ITGA2: variants seen among roughly 807,000 people sequenced by gnomAD.
ITGA2 encodes integrin subunit alpha 2.
In ITGA2, 101 loss-of-function variants were observed where a neutral mutation model predicts 146.3. That is an observed-to-expected ratio of 0.69 (90% CI 0.59 to 0.81). The LOEUF (loss-of-function observed/expected upper bound fraction) is 0.81. ITGA2 is among the 40% of genes least tolerant of loss of function. ITGA2 has a pLI of 0.00. For missense variants in ITGA2, 1,281 were observed against 1,402.7 expected (o/e 0.91, Z 1.39); for synonymous variants, 477 against 487.1 (o/e 0.98, Z 0.27).
intron 2 of ITGA2, among the ~76,000 whole-genome samples, chr5:53,035,198 T>A (rs572344430): frequency 9.8e-5 from 15 of 152,328 alleles, no homozygotes; most frequent in Admixed American, 9.8e-4. Flanking sequence ...GTCTTAAAAT[T>A]ATCCCCCTCT....
Position 53,072,669 on chromosome 5 carries a change from AGATGTCC to A in ITGA2, c.2406_2412del (p.Val803LysfsTer19). The A allele has an allele frequency of 1.9e-6, 3 of 1,610,658 alleles. No individual in the cohort carries two copies. Among genetic ancestry groups the A allele is most frequent in the Non-Finnish European group, 2.5e-6 (3 of 1,178,358 alleles). On this transcript the variant is annotated frameshift_variant, in exon 19 of 30. Transcript: ENST00000296585. LOFTEE classifies it high-confidence loss of function. Reference sequence around the variant, plus strand: ...GACTTTGCATTTCTGATCTAGTCCTAGATGTCCGACAAATACCAGCTGCTCAGTAAGT... The same window carrying A: ...GACTTTGCATTTCTGATCTAGTCCTAGACAAATACCAGCTGCTCAGTAAGT...
At chr5:53,060,167 G>A (rs1407470883) in intron 11 of ITGA2, among the ~76,000 whole-genome samples, 155 bp downstream of exon 11, 2 of 151,868 alleles carry the variant, frequency 1.3e-5, no homozygotes, top group African/African-American at 4.8e-5. Context: ...TGCCAATCGG[G>A]CCTTAAGGCA....
rs1423434595 is a variant in ITGA2, at chr5:53,064,925, A to G, written c.1616A>G (p.Gln539Arg). The G allele has an allele frequency of 6.2e-7, 1 of 1,612,580 alleles. No homozygotes were observed. The highest frequency in any genetic ancestry group is 8.5e-7 in the Non-Finnish European group (1 of 1,179,092). ...LFTIKEGILG[Q>R]HQFLEGPEGI... ...CCCCTTTGCAAGGGCATTTTGGGTC[A>G]GCACCAATTTCTTGAAGGCCCCGAG... The change falls in exon 14 of 30, where the codon CAG becomes CGG. Residue 539 changes from glutamine to arginine, a missense_variant. By Grantham distance (43) the Gln-to-Arg change is conservative. Around this residue, in one of 3 missense-constraint regions of ITGA2, gnomAD observed 795 missense variants for 841.7 expected, o/e 0.94. Coordinates refer to ENST00000296585, the MANE Select transcript of ITGA2 (RefSeq NM_002203.4).
In ITGA2 at chr5:53,035,547, G is replaced by T. The variant is rs1485094219; in HGVS notation, c.186-6565G>T. Among the ~76,000 whole-genome samples, 4 of 152,284 alleles carry T rather than the reference G, an allele frequency of 2.6e-5. 1 individual carries two copies. In the South Asian group the frequency reaches 8.3e-4, roughly 32 times the overall value. On this transcript the variant is annotated intron_variant, in intron 2 of 29. Coordinates refer to ENST00000296585, the MANE Select transcript of ITGA2 (RefSeq NM_002203.4). ...ATAATGAGGCCTAAATACTAAAATT[G>T]CCTTTCAATATATGCCAAAGAATTT...
intron 1 of ITGA2, 31 bp from the exon 2 acceptor site, chr5:53,026,717 A>T (rs1254857937): frequency 1.3e-6 from 2 of 1,583,438 alleles, no homozygotes; most frequent in South Asian, 2.2e-5. Flanking sequence ...ATGAATTGTA[A>T]ATATGTGCTA....
Position 53,058,116 on chromosome 5 carries a change from T to G in ITGA2, c.1173+15T>G. On this transcript the variant is annotated intron_variant, in intron 10 of 29. Coordinates refer to ENST00000296585, the MANE Select transcript of ITGA2 (RefSeq NM_002203.4). ...CTTCTCAAAATGTGCGTATATCAGA[T>G]AGCTTCAAGCCATGTTGTCATTTGG... 2.5e-6 allele frequency: 4 copies of G among 1,586,550 alleles called. No homozygotes were observed. Among genetic ancestry groups the G allele is most frequent in the Non-Finnish European group, 3.5e-6 (4 of 1,155,810 alleles).
chr5:53,056,015 A>G lies in ITGA2; in HGVS notation c.962A>G (p.Asp321Gly), dbSNP rs139764836. The part of the protein sequence containing the change: ...VLGYLNRNAL[D>G]TKNLIKEIKA... Reference sequence around the variant, plus strand: ...GGGTACTTAAACAGAAACGCCCTTGATACTAAAAATTTAATAAAAGAAATA... The same window carrying G: ...GGGTACTTAAACAGAAACGCCCTTGGTACTAAAAATTTAATAAAAGAAATA... Residue 321 changes from aspartate to glycine, a missense_variant, in exon 9 of 30, where the codon GAT becomes GGT. Physicochemically the swap from Asp to Gly is moderately conservative, Grantham distance 94. Coordinates refer to ENST00000296585, the MANE Select transcript of ITGA2 (RefSeq NM_002203.4). The G allele has an allele frequency of 1.4e-5, 22 of 1,608,982 alleles. No individual in the cohort carries two copies. In the African/African-American group the frequency reaches 2.9e-4, roughly 22 times the overall value.
chr5:53,054,302 TC>T (rs1451040691), intron 7 of ITGA2, among the ~76,000 whole-genome samples: 2 of 152,178 alleles, frequency 1.3e-5, no homozygotes, highest in African/African-American at 4.8e-5. Context: ...TCATATAAAT[TC>T]ATTTAAACAT....
intron 1 of ITGA2, among the ~76,000 whole-genome samples, chr5:53,011,301 C>T (rs1050642985): frequency 2.6e-5 from 4 of 152,114 alleles, no homozygotes; most frequent in Non-Finnish European, 4.4e-5. Flanking sequence ...AATTTTCTTC[C>T]TTAACTTTCC....
intron 10 of ITGA2, among the ~76,000 whole-genome samples, chr5:53,059,258 T>C (rs555783605): frequency 1.3e-5 from 2 of 152,062 alleles, no homozygotes; most frequent in African/African-American, 4.8e-5. Context: ...TTCCTTCCAA[T>C]AGATTGAATG....
intron 1 of ITGA2, among the ~76,000 whole-genome samples, chr5:53,004,908 T>TG (rs1741758058): frequency 2.6e-5 from 1 of 38,400 alleles, no homozygotes; most frequent in African/African-American, 5.2e-5. Context: ...TTTTTTTTTT[T>TG]TTTTTTTTTT....
chr5:53,052,045 T>C (rs1040781923), intron 7 of ITGA2, among the ~76,000 whole-genome samples: 1 of 152,096 alleles, frequency 6.6e-6, no homozygotes, highest in Non-Finnish European at 1.5e-5. Flanking sequence ...TATCTCAATT[T>C]CTCTATTTTC....
intron 11 of ITGA2, 152 bp downstream of exon 11, chr5:53,060,164 C>T (rs543487108): frequency 1.3e-5 from 11 of 835,526 alleles, no homozygotes; most frequent in South Asian, 4.3e-5. Context: ...CTTTGCCAAT[C>T]GGGCCTTAAG....
At position 53,087,058 on chromosome 5, in the gene ITGA2, C is replaced by G. The variant is rs765696213; in HGVS notation, c.3348+17C>G. ...ACTGTTACGGTGAGCATATCACACCCTTCCCTGTGAGCCTCAGGGTCTGTG... is the reference window on the plus strand; with the variant it reads ...ACTGTTACGGTGAGCATATCACACCGTTCCCTGTGAGCCTCAGGGTCTGTG... On this transcript the variant is annotated intron_variant, in intron 28 of 29. Coordinates refer to ENST00000296585, the MANE Select transcript of ITGA2 (RefSeq NM_002203.4). 1 of 1,573,276 alleles carries G rather than the reference C, an allele frequency of 6.4e-7. No homozygotes were observed. Among genetic ancestry groups the G allele is most frequent in the South Asian group, 1.1e-5 (1 of 90,192 alleles).
intron 16 of ITGA2, among the ~76,000 whole-genome samples, chr5:53,069,355 C>T (rs1745282689): frequency 6.6e-6 from 1 of 151,774 alleles, no homozygotes; most frequent in African/African-American, 2.4e-5. Context: ...AAGTAAATTG[C>T]CCCAAGTCAC....
At chr5:53,005,506 G>A (rs966421630) in intron 1 of ITGA2, among the ~76,000 whole-genome samples, 2 of 151,312 alleles carry the variant, frequency 1.3e-5, no homozygotes, top group African/African-American at 2.4e-5. Context: ...GCTGGAACCC[G>A]GGAGGTGGAG....
intron 9 of ITGA2, among the ~76,000 whole-genome samples, chr5:53,056,889 A>G (rs1228342176): frequency 6.6e-6 from 1 of 152,016 alleles, no homozygotes; most frequent in African/African-American, 2.4e-5. Context: ...AACTCTTTGC[A>G]ATAAAGACCA....
In ITGA2 at chr5:53,064,927, C is replaced by T; in HGVS notation, c.1618C>T (p.His540Tyr). Reference protein sequence around the residue: ...FTIKEGILGQHQFLEGPEGIE... With the variant: ...FTIKEGILGQYQFLEGPEGIE... ...CCTTTGCAAGGGCATTTTGGGTCAG[C>T]ACCAATTTCTTGAAGGCCCCGAGGG... Residue 540 changes from histidine to tyrosine, a missense_variant, in exon 14 of 30, where the codon CAC becomes TAC. Physicochemically the swap from His to Tyr is moderately conservative, Grantham distance 83. Transcript: ENST00000296585. 1 of 1,612,694 alleles carries T rather than the reference C, an allele frequency of 6.2e-7. No homozygotes were observed.
chr5:53,081,817 T>C, intron 26 of ITGA2, 121 bp downstream of exon 26: 1 of 689,684 alleles, frequency 1.4e-6, no homozygotes, highest in South Asian at 1.9e-5. Flanking sequence ...TTGATGCTTA[T>C]ATGAGTCAAG....
Sources: allele counts gnomAD v4.1 joint callset (sites outside exome capture counted in the v4.1 genomes callset), GRCh38; gene constraint gnomAD v4.1.1; regional missense constraint gnomAD v4.1.1; transcripts MANE v1.5; gene names NCBI Gene and HGNC (gene_info 2026-07-23, HGNC 2026-07-21).